Variants in KCNQ1 observed in about 807,000 individuals in gnomAD.
KCNQ1 encodes the protein potassium voltage-gated channel subfamily KQT member 1.
Under a neutral mutation model 72.4 loss-of-function variants are expected in KCNQ1, and 49 were observed. The observed-to-expected ratio is 0.68, with a 90% CI of 0.54 to 0.86. The LOEUF (loss-of-function observed/expected upper bound fraction) is 0.86, where lower values mean the gene tolerates loss of function less well. Ranked by LOEUF, KCNQ1 falls within the 40% of genes least tolerant of loss-of-function variation. The probability of loss-of-function intolerance (pLI) is 0.00; values close to 1 mark genes in which losing one functional copy is unlikely to be tolerated. For synonymous variants in KCNQ1, 450 were observed against 412.6 expected (o/e 1.09, Z -1.10); for missense variants, 790 against 945.1 (o/e 0.84, Z 2.15).
intron 11 of KCNQ1, chr11:2,689,313 C>T (rs555248891): frequency 5.0e-6 from 2 of 398,694 alleles, no homozygotes; most frequent in Admixed American, 4.4e-5. Flanking sequence ...CTCAATGCCA[C>T]CTCAGGACTG....
rs1258844160 is a variant in KCNQ1, at chr11:2,653,473, T to C, written c.1394-8488T>C. 2.0e-5 allele frequency: 8 copies of C among 397,684 alleles called. No homozygotes were observed. The highest frequency in any genetic ancestry group is 3.1e-5 in the Non-Finnish European group (7 of 225,942). The allele number at this position is 397,684 out of a possible 1,614,324, so 24.6% of individuals were successfully genotyped here. On this transcript the variant is annotated intron_variant, in intron 10 of 15. Transcript: ENST00000155840. The surrounding 1 kb of genome is among the most constrained non-coding windows in gnomAD (Gnocchi z 5.3). ...TTTGGCTCACACAGCTGGACCCAGC[T>C]GTTTCAGACACAGCTGGACCCCAGA...
Position 2,687,544 on chromosome 11 carries a change from C to A in KCNQ1, c.1514+25463C>A, listed in dbSNP as rs1397333546. 2 of 398,726 alleles carry A rather than the reference C, an allele frequency of 5.0e-6. No homozygotes were observed. Among genetic ancestry groups the A allele is most frequent in the Non-Finnish European group, 8.8e-6 (2 of 226,164 alleles). The allele number at this position is 398,726 out of a possible 1,614,324, so 24.7% of individuals were successfully genotyped here. A position where few individuals can be genotyped will look rare whatever the true frequency, so the allele number is the denominator to read the frequency against. On this transcript the variant is annotated intron_variant, in intron 11 of 15. Transcript: ENST00000155840. This position sits in a 1 kb window ranked among gnomAD's most constrained non-coding sequence, Gnocchi z 5.0. The stretch of plus-strand genomic sequence containing the variant: ...TCTGTATGGTCCCTTCCCTGGTGCA[C>A]CTACCACAGCCCACTCTGATGACCC...
rs796436656 is a variant in KCNQ1, at chr11:2,830,551, C to T, written c.1795-17216C>T. ...CCTCCAGCCCCGGGAGCAGGAAGGG[C>T]GGGCTGGGAGCTGCAGGATGGGGCC... On this transcript the variant is annotated intron_variant, in intron 15 of 15. Transcript: ENST00000155840. This position sits in a 1 kb window ranked among gnomAD's most constrained non-coding sequence, Gnocchi z 7.7. Among the ~76,000 whole-genome samples the T allele has an allele frequency of 2.0e-4, 30 of 152,242 alleles. No homozygotes were observed. The highest frequency in any genetic ancestry group is 4.1e-4 in the African/African-American group (17 of 41,550).
rs761721560 is a variant in KCNQ1, at chr11:2,549,899, C to T, written c.478-20729C>T. Reference sequence around the variant, plus strand: ...TCTGCACCACTCAATCTGGGGGTTCCGGCTCCTTGCCCACCGCCCCCGCCA... The same window carrying T: ...TCTGCACCACTCAATCTGGGGGTTCTGGCTCCTTGCCCACCGCCCCCGCCA... On this transcript the variant is annotated intron_variant, in intron 2 of 15. Transcript: ENST00000155840. This position sits in a 1 kb window ranked among gnomAD's most constrained non-coding sequence, Gnocchi z 6.2. 1.6e-4 allele frequency among the ~76,000 whole-genome samples: 25 copies of T among 152,200 alleles called. No homozygotes were observed. The highest frequency in any genetic ancestry group is 2.4e-4 in the Non-Finnish European group (16 of 67,984).
At position 2,750,312 on chromosome 11, in the gene KCNQ1, T is replaced by C. The variant is rs146440515; in HGVS notation, c.1515-18532T>C. 4.9e-4 allele frequency among the ~76,000 whole-genome samples: 75 copies of C among 152,272 alleles called. No individual in the cohort carries two copies. In the East Asian group the frequency reaches 0.012, roughly 25 times the overall value. On this transcript the variant is annotated intron_variant, in intron 11 of 15. Transcript: ENST00000155840. This position sits in a 1 kb window ranked among gnomAD's most constrained non-coding sequence, Gnocchi z 6.3. ...GACATGGGAGACGGGGGTATAGCTG[T>C]TGGGCTTGTGGCTGGCCTGGCCTAA...
chr11:2,539,135 T>TG (rs1255988625), intron 2 of KCNQ1, among the ~76,000 whole-genome samples: 1 of 152,122 alleles, frequency 6.6e-6, no homozygotes, highest in African/African-American at 2.4e-5. Context: ...GTGGTCCCTC[T>TG]GGGGGGCAAG....
chr11:2,737,475 ACT>A (rs1845976785), intron 11 of KCNQ1, among the ~76,000 whole-genome samples: 1 of 152,168 alleles, frequency 6.6e-6, no homozygotes, highest in Non-Finnish European at 1.5e-5. Context: ...GGGCTGGCAA[ACT>A]CTGACTCACA....
intron 10 of KCNQ1, chr11:2,635,594 A>T (rs1362442171): frequency 1.3e-5 from 2 of 152,120 alleles, no homozygotes; most frequent in South Asian, 2.1e-4. Flanking sequence ...GCCTTGTAGT[A>T]TAGTTTGAAG....
Position 2,526,223 on chromosome 11 carries a change from G to A in KCNQ1, c.387-1705G>A, listed in dbSNP as rs1000355321. On this transcript the variant is annotated intron_variant, in intron 1 of 15. Transcript: ENST00000155840. The surrounding 1 kb of genome is among the most constrained non-coding windows in gnomAD (Gnocchi z 6.1). The stretch of plus-strand genomic sequence containing the variant: ...CATGGAGGGTTCACTGACTGGCTGG[G>A]TGTGTGGGCTGGGGGCGCCGAGGGT... Among the ~76,000 whole-genome samples the A allele has an allele frequency of 6.6e-6, 1 of 152,164 alleles. No homozygotes were observed. Among genetic ancestry groups the A allele is most frequent in the African/African-American group, 2.4e-5 (1 of 41,434 alleles).
intron 15 of KCNQ1, among the ~76,000 whole-genome samples, chr11:2,804,634 C>A (rs1388053923): frequency 6.7e-6 from 1 of 150,308 alleles, no homozygotes; most frequent in African/African-American, 2.5e-5. Flanking sequence ...GCTGATATTT[C>A]TAAAGGCAAA....
chr11:2,796,279 A>G (rs1280818047), intron 15 of KCNQ1, among the ~76,000 whole-genome samples: 1 of 152,226 alleles, frequency 6.6e-6, no homozygotes, highest in Non-Finnish European at 1.5e-5. Context: ...CATGGCAGCC[A>G]CAGTGCTGAT....
chr11:2,660,980 A>G (rs1221209770), intron 10 of KCNQ1: 3 of 398,548 alleles, frequency 7.5e-6, no homozygotes, highest in Non-Finnish European at 8.8e-6. Flanking sequence ...GTGGACTATT[A>G]TGTAATGACT....
At position 2,445,700 on chromosome 11, in the gene KCNQ1, CGT is replaced by C. The variant is rs112134401; in HGVS notation, c.386+218_386+219del. 0.016 allele frequency among the ~76,000 whole-genome samples: 2,467 copies of C among 152,258 alleles called. 64 individuals are homozygous for C. Among genetic ancestry groups the C allele is most frequent in the African/African-American group, 0.057 (2,355 of 41,548 alleles). On this transcript the variant is annotated intron_variant, in intron 1 of 15. Transcript: ENST00000155840. ...GGTGCGCATCTTCTCGCAGGCCCGGCGTGGGGAGGGAGCCGGCTGGGGAGGGG... is the reference window on the plus strand; with the variant it reads ...GGTGCGCATCTTCTCGCAGGCCCGGCGGGGAGGGAGCCGGCTGGGGAGGGG...
rs1317169762 is a variant in KCNQ1 at position 2,494,435 on chromosome 11, G to A, written c.387-33493G>A. On this transcript the variant is annotated intron_variant, in intron 1 of 15. Transcript: ENST00000155840. This position sits in a 1 kb window ranked among gnomAD's most constrained non-coding sequence, Gnocchi z 4.6. ...TCCTTGTCTTGTGCTGGTTTTCAAA[G>A]TGAATGCTTCCAGCTTTTGCCCGTT... Among the ~76,000 whole-genome samples, 1 of 152,176 alleles carries A rather than the reference G, an allele frequency of 6.6e-6. No homozygotes were observed. The highest frequency in any genetic ancestry group is 1.5e-5 in the Non-Finnish European group (1 of 68,040).
At chr11:2,708,331 G>T (rs1397963097) in intron 11 of KCNQ1, among the ~76,000 whole-genome samples, 1 of 152,206 alleles carries the variant, frequency 6.6e-6, no homozygotes. Context: ...AGCGGAACTT[G>T]GCAAAGCAGT....
intron 6 of KCNQ1, among the ~76,000 whole-genome samples, chr11:2,578,435 T>C (rs1178723437): frequency 6.6e-6 from 1 of 152,164 alleles, no homozygotes; most frequent in Non-Finnish European, 1.5e-5. Flanking sequence ...ACAGGCATCG[T>C]GCCACGAGAG....
At chr11:2,656,785 A>G in intron 10 of KCNQ1, 1 of 398,602 alleles carries the variant, frequency 2.5e-6, no homozygotes. Context: ...AAACCATCCT[A>G]ATGCTGATGT....
chr11:2,571,645 C>T (rs1020374367), intron 4 of KCNQ1, among the ~76,000 whole-genome samples: 15 of 152,046 alleles, frequency 9.9e-5, no homozygotes, highest in Admixed American at 8.5e-4. Context: ...CCAGCACTAG[C>T]GCCTCTGAAC....
chr11:2,575,926 C>T lies in KCNQ1; in HGVS notation c.921+2940C>T, dbSNP rs150901062. Among the ~76,000 whole-genome samples the T allele has an allele frequency of 4.7e-3, 710 of 152,340 alleles. 3 individuals carry two copies. The highest frequency in any genetic ancestry group is 7.1e-3 in the Non-Finnish European group (486 of 68,024). On this transcript the variant is annotated intron_variant, in intron 6 of 15. Transcript: ENST00000155840. ...GAGGTGTGCACAGGGCCTGCCCCTC[C>T]GAAAGCTCAGGGAGAAATTTCCTCT...
Sources: allele counts gnomAD v4.1 joint callset (sites outside exome capture counted in the v4.1 genomes callset), GRCh38; gene constraint gnomAD v4.1.1; non-coding constraint Gnocchi (gnomAD v3.1); transcripts MANE v1.5; gene names NCBI Gene and HGNC (gene_info 2026-07-23, HGNC 2026-07-21).